Variants in IGFBP7 observed in about 807,000 individuals in gnomAD.
The protein encoded by IGFBP7 is insulin like growth factor binding protein 7.
A neutral mutation model predicts 29.4 loss-of-function variants in IGFBP7; 31 were observed. The observed-to-expected ratio is 1.05, with a 90% CI of 0.79 to 1.42. IGFBP7 has a LOEUF of 1.42. Ranked by LOEUF, IGFBP7 falls within the 40% of genes most tolerant of loss-of-function variation. The pLI is 0.00. For synonymous variants in IGFBP7, 172 were observed against 174.9 expected, an observed-to-expected ratio of 0.98 and a Z score of 0.13; for missense variants, 393 against 395.5, an observed-to-expected ratio of 0.99 and a Z score of 0.05.
chr4:57,092,814 G>C (rs1216338568), intron 1 of IGFBP7, among the ~76,000 whole-genome samples: 2 of 150,638 alleles, frequency 1.3e-5, no homozygotes, highest in African/African-American at 4.9e-5. Context: ...GTAAATTATG[G>C]TTCATTCAAA....
At position 57,036,748 on chromosome 4, in the gene IGFBP7, C is replaced by T. The variant is rs542759968; in HGVS notation, c.586-3437G>A. Among the ~76,000 whole-genome samples, 8 of 152,292 alleles carry T rather than the reference C, an allele frequency of 5.3e-5. 1 individual carries two copies. Among genetic ancestry groups the T allele is most frequent in the African/African-American group, 1.4e-4 (6 of 41,570 alleles). ...AGTCTCAAGTGTCATGGAGAAAAGG[C>T]TTGTACCATTAATTCTGCTGTTGCT... On this transcript the variant is annotated intron_variant, in intron 2 of 4. Coordinates refer to ENST00000295666, the MANE Select transcript of IGFBP7 (RefSeq NM_001553.3).
rs1725107940 is a variant in IGFBP7 at position 57,073,232 on chromosome 4, T to C, written c.476-32299A>G. ...GTATAGCACTCTGTATCTTGAGCTG[T>C]GGTATTATTATTATTATTATTATTA... is the stretch of plus-strand genomic sequence containing the variant. On this transcript the variant is annotated intron_variant, in intron 1 of 4. Coordinates refer to ENST00000295666, the MANE Select transcript of IGFBP7 (RefSeq NM_001553.3). 4 of 636,894 alleles carry C rather than the reference T, an allele frequency of 6.3e-6. 1 individual carries two copies. In the South Asian group the frequency reaches 8.5e-5, roughly 13 times the overall value. The allele number at this position is 636,894 out of a possible 1,614,324, so 39.5% of individuals were successfully genotyped here. A position where few individuals can be genotyped will look rare whatever the true frequency, so the allele number is the denominator to read the frequency against.
intron 1 of IGFBP7, among the ~76,000 whole-genome samples, chr4:57,044,602 T>C (rs1376210741): frequency 6.6e-6 from 1 of 152,234 alleles, no homozygotes; most frequent in Non-Finnish European, 1.5e-5. Context: ...GCACCATTTG[T>C]TGAAAAGACC....
intron 1 of IGFBP7, among the ~76,000 whole-genome samples, chr4:57,090,602 T>G (rs1178713236): frequency 1.3e-5 from 2 of 152,150 alleles, no homozygotes; most frequent in East Asian, 1.9e-4. Flanking sequence ...TTTGGGAGGC[T>G]GAGGCGGGCA....
intron 1 of IGFBP7, among the ~76,000 whole-genome samples, chr4:57,076,703 C>T (rs1297365073): frequency 6.6e-6 from 1 of 152,184 alleles, no homozygotes; most frequent in South Asian, 2.1e-4. Context: ...GGTGGGGACA[C>T]ACCTGTGAAA....
chr4:57,038,841 C>T (rs897539470), intron 2 of IGFBP7, among the ~76,000 whole-genome samples: 1 of 151,930 alleles, frequency 6.6e-6, no homozygotes, highest in South Asian at 2.1e-4. Flanking sequence ...GCAAGGTGGG[C>T]GTATCACCTG....
intron 1 of IGFBP7, among the ~76,000 whole-genome samples, chr4:57,088,742 T>C (rs1725559710): frequency 6.6e-6 from 1 of 151,980 alleles, no homozygotes; most frequent in Non-Finnish European, 1.5e-5. Context: ...GAGGAGCAAC[T>C]TGCTGGCTGG....
intron 1 of IGFBP7, among the ~76,000 whole-genome samples, chr4:57,053,984 CTAGA>C (rs1724578054): frequency 6.6e-6 from 1 of 152,140 alleles, no homozygotes; most frequent in Admixed American, 6.5e-5. Flanking sequence ...TCCTAGAAGC[CTAGA>C]TAGTGAGTTT....
chr4:57,040,970 A>G, intron 1 of IGFBP7, 37 bp from the exon 2 acceptor site: 1 of 1,344,268 alleles, frequency 7.4e-7, no homozygotes, highest in Non-Finnish European at 1.1e-6. Flanking sequence ...TCATCTTTTA[A>G]ACAGTCCTTC....
At position 57,074,229 on chromosome 4, in the gene IGFBP7, T is replaced by A. The variant is rs575254835; in HGVS notation, c.476-33296A>T. On this transcript the variant is annotated intron_variant, in intron 1 of 4. Coordinates refer to ENST00000295666, the MANE Select transcript of IGFBP7 (RefSeq NM_001553.3). ...GTTCGTGCCACCACGCCTGGCTAAT[T>A]TTGGTATTTTTAGTGGAGACGGGGT... 1.6e-3 allele frequency among the ~76,000 whole-genome samples: 240 copies of A among 152,284 alleles called. 1 individual carries two copies. Among genetic ancestry groups the A allele is most frequent in the Non-Finnish European group, 2.4e-3 (163 of 68,024 alleles).
At chr4:57,099,261 G>T (rs1725835914) in intron 1 of IGFBP7, among the ~76,000 whole-genome samples, 1 of 152,172 alleles carries the variant, frequency 6.6e-6, no homozygotes, top group East Asian at 1.9e-4. Context: ...GTAAGAATAT[G>T]AAAGCCCTCT....
At chr4:57,075,649 T>TAA (rs5858410) in intron 1 of IGFBP7, among the ~76,000 whole-genome samples, 4 of 151,928 alleles carry the variant, frequency 2.6e-5, no homozygotes, top group South Asian at 4.2e-4. Flanking sequence ...GCAAAAACAT[T>TAA]AAAAAAATAA....
At chr4:57,052,136 G>A (rs763999799) in intron 1 of IGFBP7, among the ~76,000 whole-genome samples, 1 of 152,054 alleles carries the variant, frequency 6.6e-6, no homozygotes, top group Non-Finnish European at 1.5e-5. Context: ...GACATGGCGG[G>A]GATTAAGGCT....
intron 1 of IGFBP7, among the ~76,000 whole-genome samples, chr4:57,042,635 A>C (rs188165496): frequency 1.9e-3 from 289 of 152,356 alleles, no homozygotes; most frequent in Non-Finnish European, 3.0e-3. Flanking sequence ...GGCGTGAGCC[A>C]CTATGCCCGG....
At chr4:57,097,448 G>A (rs1725788282) in intron 1 of IGFBP7, among the ~76,000 whole-genome samples, 1 of 152,130 alleles carries the variant, frequency 6.6e-6, no homozygotes, top group Admixed American at 6.5e-5. Context: ...TGTTTACGCA[G>A]GTCTGAACAT....
chr4:57,078,816 A>T (rs1522609), intron 1 of IGFBP7, among the ~76,000 whole-genome samples: 77,006 of 151,824 alleles, frequency 0.51, 20,912 homozygotes, highest in Middle Eastern at 0.62. Flanking sequence ...AGAAATGCAC[A>T]TGGATGGTAA....
intron 1 of IGFBP7, among the ~76,000 whole-genome samples, chr4:57,070,443 G>T (rs1028468191): frequency 6.6e-6 from 1 of 152,108 alleles, no homozygotes; most frequent in African/African-American, 2.4e-5. Context: ...TTTCCATTAT[G>T]GCTAACAAAT....
intron 2 of IGFBP7, among the ~76,000 whole-genome samples, chr4:57,039,345 G>T (rs2109741685): frequency 6.6e-6 from 1 of 152,262 alleles, no homozygotes; most frequent in South Asian, 2.1e-4. Context: ...ACTTTTATAA[G>T]GTAGAGAACA....
At chr4:57,048,406 T>A (rs1056525291) in intron 1 of IGFBP7, among the ~76,000 whole-genome samples, 6 of 152,156 alleles carry the variant, frequency 3.9e-5, no homozygotes, top group Admixed American at 1.3e-4. Flanking sequence ...CCAGATTATT[T>A]TAAGAATATT....
Sources: allele counts gnomAD v4.1 joint callset (sites outside exome capture counted in the v4.1 genomes callset), GRCh38; gene constraint gnomAD v4.1.1; transcripts MANE v1.5; gene names NCBI Gene and HGNC (gene_info 2026-07-23, HGNC 2026-07-21).